The following CYREN variants were observed in gnomAD, a reference collection of about 807,000 sequenced individuals.
The protein encoded by CYREN is cell cycle regulator of NHEJ, also known as cell cycle regulator of non-homologous end joining.
Under a neutral mutation model 9.7 loss-of-function variants are expected in CYREN, and 7 were observed. The observed-to-expected ratio is 0.72, with a 90% CI of 0.41 to 1.36. CYREN has a LOEUF of 1.36. Among genes scored for constraint, CYREN ranks in the 40% most tolerant of loss-of-function variants. The probability of loss-of-function intolerance (pLI) is 0.01; values close to 1 mark genes in which losing one functional copy is unlikely to be tolerated. For missense variants in CYREN, 215 were observed against 198.1 expected (o/e 1.09, Z -0.51); for synonymous variants, 76 against 77.9 (o/e 0.98, Z 0.13).
Position 135,134,084 on chromosome 7 carries a change from A to G in CYREN, n.356+34665T>C, listed in dbSNP as rs889983021. On this transcript the variant is annotated intron_variant and non_coding_transcript_variant, in intron 2 of 2. Coordinates refer to the CYREN transcript ENST00000459937. ...CCAGGAATTAAGGAGGGGATGGGAA[A>G]GGAGGGAAGCAGGTACTACAAGAGG... 9.9e-5 allele frequency among the ~76,000 whole-genome samples: 15 copies of G among 152,126 alleles called. 1 individual carries two copies. The highest frequency in any genetic ancestry group is 3.9e-4 in the Admixed American group (6 of 15,258).
chr7:135,104,389 T>C (rs889555350), intron 2 of CYREN, among the ~76,000 whole-genome samples: 4 of 152,222 alleles, frequency 2.6e-5, no homozygotes, highest in Non-Finnish European at 4.4e-5. Context: ...GCAGTGAACA[T>C]ACATATGCAT....
At chr7:135,162,659 A>G (rs942067833), downstream of CYREN, among the ~76,000 whole-genome samples, 1 of 152,100 alleles carries the variant, frequency 6.6e-6, no homozygotes, top group South Asian at 2.1e-4. Flanking sequence ...TATGGGGGAA[A>G]CCCACCCCCA....
intron 2 of CYREN, among the ~76,000 whole-genome samples, chr7:135,108,840 C>G (rs1217793870): frequency 6.6e-6 from 1 of 152,166 alleles, no homozygotes; most frequent in African/African-American, 2.4e-5. Context: ...AATTTGGCCT[C>G]TTTACATAAT....
Position 135,136,487 on chromosome 7 carries a change from C to A in CYREN, n.356+32262G>T, listed in dbSNP as rs576397980. Reference sequence around the variant, plus strand: ...TCCTGGTTCTCAAAGAGTACCCCAACTTTTGGTATAAAATTCTCATCCTTA... The same window carrying A: ...TCCTGGTTCTCAAAGAGTACCCCAAATTTTGGTATAAAATTCTCATCCTTA... On this transcript the variant is annotated intron_variant and non_coding_transcript_variant, in intron 2 of 2. Transcript: ENST00000459937. Among the ~76,000 whole-genome samples the A allele has an allele frequency of 5.9e-5, 9 of 152,172 alleles. No individual in the cohort carries two copies. The South Asian group carries it at 1.9e-3, about 32-fold the overall frequency.
At chr7:135,167,872 CAGG>C (rs1236298619) in intron 2 of CYREN, 65 bp from the exon 3 acceptor site, 1 of 1,608,168 alleles carries the variant, frequency 6.2e-7, no homozygotes, top group South Asian at 1.1e-5. Context: ...GCAAAGAGAA[CAGG>C]AGAAGCAGGG....
At chr7:135,134,865 T>C in intron 2 of CYREN, 2 of 1,549,708 alleles carry the variant, frequency 1.3e-6, no homozygotes, top group Non-Finnish European at 8.7e-7. Flanking sequence ...CTTGCAGAAA[T>C]ATAAAGAAAT....
At chr7:135,095,209 C>CT (rs1207799256) in intron 2 of CYREN, among the ~76,000 whole-genome samples, 1 of 152,140 alleles carries the variant, frequency 6.6e-6, no homozygotes, top group African/African-American at 2.4e-5. Flanking sequence ...CTAAGAAACA[C>CT]TTATTAAGGT....
At chr7:135,144,778 T>TAC (rs1829512581) in intron 2 of CYREN, among the ~76,000 whole-genome samples, 6 of 120,206 alleles carry the variant, frequency 5.0e-5, no homozygotes, top group Admixed American at 2.5e-4. Flanking sequence ...AATAATAATA[T>TAC]AAAAATTAGC....
intron 2 of CYREN, among the ~76,000 whole-genome samples, chr7:135,097,203 C>T (rs1299319983): frequency 1.3e-5 from 2 of 152,066 alleles, no homozygotes; most frequent in Admixed American, 6.6e-5. Flanking sequence ...TAAAATATCC[C>T]GTCGGTCAAC....
At chr7:135,099,634 A>T (rs559753819) in intron 2 of CYREN, among the ~76,000 whole-genome samples, 1 of 152,194 alleles carries the variant, frequency 6.6e-6, no homozygotes, top group African/African-American at 2.4e-5. Context: ...CCTCTGTCTT[A>T]TAAGATTTTG....
chr7:135,169,040 G>T lies in CYREN; in HGVS notation c.-118C>A. 2.1e-6 allele frequency: 2 copies of T among 964,364 alleles called. No individual in the cohort carries two copies. The highest frequency in any genetic ancestry group is 3.0e-6 in the Non-Finnish European group (2 of 662,922). The allele number at this position is 964,364 out of a possible 1,614,324, so 59.7% of individuals were successfully genotyped here. A position where few individuals can be genotyped will look rare whatever the true frequency, so the allele number is the denominator to read the frequency against. ...GGAATTACAGGTCCATTTGTCCTCAGTGGGAGTTGATCTTTGATTCCTACA... is the reference window on the plus strand; with the variant it reads ...GGAATTACAGGTCCATTTGTCCTCATTGGGAGTTGATCTTTGATTCCTACA... On this transcript the variant is annotated 5_prime_UTR_variant, in exon 2 of 4. The change creates a new upstream start codon in the 5' untranslated region. Coordinates refer to ENST00000393114, the MANE Select transcript of CYREN (RefSeq NM_024033.4).
Position 135,167,826 on chromosome 7 carries a change from A to C in CYREN, c.138-19T>G. ...AGGGAGTCTGAAAAAAAGACATGCA[A>C]GGCACAGATGACACAGACTCTCAAG... On this transcript the variant is annotated intron_variant, in intron 2 of 3. Coordinates refer to ENST00000393114, the MANE Select transcript of CYREN (RefSeq NM_024033.4). 6.2e-7 allele frequency: 1 copy of C among 1,614,124 alleles called. No homozygotes were observed. The highest frequency in any genetic ancestry group is 8.5e-7 in the Non-Finnish European group (1 of 1,180,010).
chr7:135,154,210 T>A (rs1829732682), intron 2 of CYREN, among the ~76,000 whole-genome samples: 1 of 152,150 alleles, frequency 6.6e-6, no homozygotes, highest in South Asian at 2.1e-4. Context: ...TTTATTTGGA[T>A]CTTCTTTCTT....
intron 2 of CYREN, among the ~76,000 whole-genome samples, chr7:135,140,403 C>G (rs1001245274): frequency 6.9e-6 from 1 of 144,454 alleles, no homozygotes; most frequent in African/African-American, 2.7e-5. Flanking sequence ...GATTTTTGTA[C>G]ATTGATTTTG....
chr7:135,163,626 C>A (rs933924612), downstream of CYREN, among the ~76,000 whole-genome samples: 1 of 152,182 alleles, frequency 6.6e-6, no homozygotes, highest in Admixed American at 6.5e-5. Context: ...GCCTGGGTGA[C>A]AGAGTGAGGC....
chr7:135,168,902 C>A lies in CYREN; in HGVS notation c.21G>T (p.Glu7Asp). The change falls in exon 2 of 4, where the codon GAG becomes GAT. Residue 7 changes from glutamate (E) to aspartate (D), a missense_variant. Glu to Asp is a conservative substitution (Grantham distance 45, BLOSUM62 2). Transcript: ENST00000393114. ...ATGAGGGAAGGACCCTCGTTTTAGT[C>A]TCGGATTGTAAGGTTTCCATCTCTG... METLQS[E>D]TKTRVLPSWL... is the part of the protein sequence containing the mutation. 6.2e-7 allele frequency: 1 copy of A among 1,611,206 alleles called. No homozygotes were observed. Among genetic ancestry groups the A allele is most frequent in the Middle Eastern group, 1.7e-4 (1 of 6,052 alleles).
chr7:135,093,170 A>T (rs1307965686), exon 3 of CYREN: 1 of 151,928 alleles, frequency 6.6e-6, no homozygotes, highest in Non-Finnish European at 1.5e-5. Context: ...CAACATTATA[A>T]TGAAGGCTTC....
At chr7:135,117,221 G>A (rs1389713201) in intron 2 of CYREN, among the ~76,000 whole-genome samples, 6 of 129,862 alleles carry the variant, frequency 4.6e-5, no homozygotes, top group African/African-American at 1.6e-4. Flanking sequence ...TGCCAAGCAT[G>A]AGATTTATTC....
intron 2 of CYREN, among the ~76,000 whole-genome samples, chr7:135,118,473 C>T (rs1485847304): frequency 6.6e-6 from 1 of 152,128 alleles, no homozygotes; most frequent in Non-Finnish European, 1.5e-5. Context: ...AGATGGGGAA[C>T]CTGGACTTCC....
Sources: gnomAD v4.1 joint callset for allele counts (sites outside exome capture counted in the v4.1 genomes callset) on GRCh38, gnomAD v4.1.1 for gene constraint, MANE v1.5 for transcripts, NCBI Gene and HGNC (gene_info 2026-07-23, HGNC 2026-07-21) for gene names.